ANTXR2: variants seen among roughly 807,000 people sequenced by gnomAD.
ANTXR2 encodes the protein ANTXR cell adhesion molecule 2.
Under a neutral mutation model 73.7 loss-of-function variants are expected in ANTXR2, and 44 were observed. The ratio of observed to expected loss-of-function variants is 0.60; its 90% CI spans 0.47 to 0.77. The LOEUF is 0.77. ANTXR2 is among the 30% of genes least tolerant of loss of function. The pLI is 0.00. For missense variants in ANTXR2, 604 were observed against 592.5 expected (o/e 1.02, Z -0.20); for synonymous variants, 217 against 205.9 (o/e 1.05, Z -0.46).
chr4:80,071,558 T>C (rs777119838), intron 2 of ANTXR2, 25 bp downstream of exon 2: 1 of 1,588,050 alleles, frequency 6.3e-7, no homozygotes, highest in African/African-American at 1.3e-5. Flanking sequence ...CTCCACTGCC[T>C]AGAAAAGTAA....
chr4:80,066,380 T>C (rs1005266224), intron 3 of ANTXR2, among the ~76,000 whole-genome samples: 1 of 152,218 alleles, frequency 6.6e-6, no homozygotes, highest in African/African-American at 2.4e-5. Flanking sequence ...CAGTGTTATT[T>C]TCTGCCACCC....
At chr4:79,979,367 A>T (rs1729786151) in intron 14 of ANTXR2, among the ~76,000 whole-genome samples, 1 of 152,122 alleles carries the variant, frequency 6.6e-6, no homozygotes. Context: ...TACCGAGGGC[A>T]CACTATGACA....
intron 3 of ANTXR2, among the ~76,000 whole-genome samples, chr4:80,060,691 T>A (rs1388575805): frequency 6.6e-6 from 1 of 152,218 alleles, no homozygotes; most frequent in Non-Finnish European, 1.5e-5. Context: ...AATCTCTTAC[T>A]GTGCCTAAAT....
rs1472006853 is a variant in ANTXR2, at chr4:80,072,444, G to T, written c.117C>A (p.Cys39Ter). The T allele has an allele frequency of 6.2e-7, 1 of 1,607,472 alleles. No individual in the cohort carries two copies. Among genetic ancestry groups the T allele is most frequent in the African/African-American group, 1.4e-5 (1 of 73,992 alleles). Residue 39 changes from cysteine (C) to a stop codon, truncating the protein, a stop_gained, in exon 1 of 17, where the codon TGC (cysteine) becomes TGA (stop). Transcript: ENST00000403729. LOFTEE classifies it high-confidence loss of function. ...GLLRAQEQPS[C>*]RRAFDLYFVL... ...CGAAGTAGAGATCAAAGGCTCTTCT[G>T]CAGGAGGGCTGCTCCTGGGCGCGCA...
chr4:79,978,974 G>A (rs1729767260), intron 14 of ANTXR2, among the ~76,000 whole-genome samples: 1 of 152,082 alleles, frequency 6.6e-6, no homozygotes, highest in Non-Finnish European at 1.5e-5. Context: ...TCTGAGTATG[G>A]TTGTGTGGCA....
chr4:80,050,356 C>T (rs1733717271), intron 7 of ANTXR2, among the ~76,000 whole-genome samples: 1 of 151,550 alleles, frequency 6.6e-6, no homozygotes, highest in Non-Finnish European at 1.5e-5. Context: ...AAATTTGATC[C>T]TCTTACATGT....
chr4:79,937,610 A>G (rs534640100), intron 16 of ANTXR2, among the ~76,000 whole-genome samples: 3 of 152,332 alleles, frequency 2.0e-5, no homozygotes, highest in African/African-American at 7.2e-5. Context: ...TAAATAAATC[A>G]TAAAATGTTA....
intron 16 of ANTXR2, among the ~76,000 whole-genome samples, chr4:79,917,193 G>C (rs1026075945): frequency 2.6e-5 from 4 of 152,098 alleles, no homozygotes; most frequent in African/African-American, 7.2e-5. Context: ...CCAAGAAGTA[G>C]TCAACTGAAG....
chr4:80,027,608 T>C (rs948470113), intron 10 of ANTXR2, among the ~76,000 whole-genome samples: 3 of 152,232 alleles, frequency 2.0e-5, no homozygotes, highest in Non-Finnish European at 4.4e-5. Flanking sequence ...TTCTGGCCAA[T>C]GTTTTTGAAA....
Position 80,056,101 on chromosome 4 carries a change from T to A in ANTXR2, c.297-88A>T. ...TTAAAAAACATGGCAGTATTGTAAC[T>A]AAGCTTTCTTCAGTAGGAAGCAGAG... On this transcript the variant is annotated intron_variant, in intron 3 of 16. Coordinates refer to ENST00000403729, the MANE Select transcript of ANTXR2 (RefSeq NM_058172.6). 3.6e-6 allele frequency: 3 copies of A among 841,556 alleles called. No homozygotes were observed. The South Asian group carries it at 6.4e-5, about 18-fold the overall frequency. The allele number at this position is 841,556 out of a possible 1,614,324, so 52.1% of individuals were successfully genotyped here. A position where few individuals can be genotyped will look rare whatever the true frequency, so the allele number is the denominator to read the frequency against.
intron 14 of ANTXR2, among the ~76,000 whole-genome samples, chr4:79,979,852 GA>G (rs75117048): frequency 6.6e-6 from 1 of 151,546 alleles, no homozygotes; most frequent in East Asian, 1.9e-4. Flanking sequence ...CAATTTTAAG[GA>G]AAAAAAAGAT....
intron 15 of ANTXR2, 75 bp downstream of exon 15, chr4:79,977,932 G>A (rs1189971125): frequency 1.4e-6 from 2 of 1,462,262 alleles, no homozygotes; most frequent in Non-Finnish European, 1.8e-6. Flanking sequence ...CAAGTAGCTG[G>A]GGGGATGTGG....
chr4:80,024,688 A>G (rs907071947), intron 10 of ANTXR2: 54 of 453,622 alleles, frequency 1.2e-4, no homozygotes, highest in African/African-American at 1.0e-3. Flanking sequence ...CCTGAGCCAG[A>G]AAGGCCAAAA....
intron 16 of ANTXR2, among the ~76,000 whole-genome samples, chr4:79,930,957 T>C (rs1461694134): frequency 1.3e-5 from 2 of 152,194 alleles, no homozygotes; most frequent in Admixed American, 6.5e-5. Flanking sequence ...TAAAATAATA[T>C]AATCCCAGAA....
intron 11 of ANTXR2, among the ~76,000 whole-genome samples, chr4:80,009,430 G>C (rs28496581): frequency 6.6e-6 from 1 of 151,950 alleles, no homozygotes; most frequent in Non-Finnish European, 1.5e-5. Flanking sequence ...ACGATGCAAC[G>C]AATTATGAAT....
chr4:79,917,197 A>G (rs1727386889), intron 16 of ANTXR2, among the ~76,000 whole-genome samples: 3 of 152,282 alleles, frequency 2.0e-5, no homozygotes, highest in South Asian at 2.1e-4. Context: ...GAAGTAGTCA[A>G]CTGAAGGCTG....
intron 3 of ANTXR2, among the ~76,000 whole-genome samples, chr4:80,063,901 CATGCTA>C (rs1167868278): frequency 2.6e-5 from 4 of 152,020 alleles, no homozygotes; most frequent in African/African-American, 9.7e-5. Flanking sequence ...CCTACCTTTC[CATGCTA>C]ATGCTAGTAT....
chr4:79,915,783 A>T (rs1727317841), intron 16 of ANTXR2, among the ~76,000 whole-genome samples: 2 of 149,488 alleles, frequency 1.3e-5, no homozygotes, highest in South Asian at 4.2e-4. Flanking sequence ...GGCATGTAGT[A>T]TCACATCTTT....
intron 11 of ANTXR2, among the ~76,000 whole-genome samples, chr4:80,015,923 A>AAGGAAAGG (rs1731836013): frequency 5.4e-5 from 2 of 37,006 alleles, no homozygotes; most frequent in African/African-American, 1.9e-4. Flanking sequence ...AAGGAAAGGA[A>AAGGAAAGG]AAAGGAAAGG....
Sources: allele counts gnomAD v4.1 joint callset (sites outside exome capture counted in the v4.1 genomes callset), GRCh38; gene constraint gnomAD v4.1.1; transcripts MANE v1.5; gene names NCBI Gene and HGNC (gene_info 2026-07-23, HGNC 2026-07-21).